SLCO1B3: variants seen among roughly 807,000 people sequenced by gnomAD.
The protein encoded by SLCO1B3 is solute carrier organic anion transporter family member 1B3.
Under a neutral mutation model 71.8 loss-of-function variants are expected in SLCO1B3, and 72 were observed. That is an observed-to-expected ratio of 1.00 (90% CI 0.83 to 1.22). SLCO1B3 has a LOEUF of 1.22. Among genes scored for constraint, SLCO1B3 ranks in the 50% most tolerant of loss-of-function variants. The pLI is 0.00. For missense variants in SLCO1B3, 911 were observed against 819.7 expected (o/e 1.11, Z -1.36); for synonymous variants, 298 against 278.4 (o/e 1.07, Z -0.70).
rs139890546 is a variant in SLCO1B3, at chr12:20,911,384, A to C, written c.1866-4620A>C. Among the ~76,000 whole-genome samples, 591 of 152,208 alleles carry C rather than the reference A, an allele frequency of 3.9e-3. 2 individuals are homozygous for C. The highest frequency in any genetic ancestry group is 6.2e-3 in the Non-Finnish European group (422 of 68,008). The stretch of plus-strand genomic sequence containing the variant: ...GAACTTCTGCACCTGTATTTGTGAG[A>C]TGTATCGCTCTGTAGTTTTCTTTTC... On this transcript the variant is annotated intron_variant, in intron 15 of 15. Coordinates refer to ENST00000381545, the MANE Select transcript of SLCO1B3 (RefSeq NM_019844.4).
intron 13 of SLCO1B3, among the ~76,000 whole-genome samples, chr12:20,888,398 C>T (rs528553181): frequency 8.6e-4 from 131 of 151,760 alleles, no homozygotes; most frequent in African/African-American, 3.0e-3. Flanking sequence ...TAGTTCTCCT[C>T]GTAGAGACTT....
At chr12:20,885,330 A>C (rs1164194908) in intron 13 of SLCO1B3, among the ~76,000 whole-genome samples, 1 of 152,156 alleles carries the variant, frequency 6.6e-6, no homozygotes, top group Non-Finnish European at 1.5e-5. Context: ...TTACTCATCC[A>C]GTACATATTC....
intron 3 of SLCO1B3, among the ~76,000 whole-genome samples, 198 bp downstream of exon 3, chr12:20,816,020 A>G (rs1445965625): frequency 6.6e-6 from 1 of 152,190 alleles, no homozygotes; most frequent in Non-Finnish European, 1.5e-5. Flanking sequence ...TTTCTTTGCT[A>G]GAATTTTTTG....
rs374608664 is a variant in SLCO1B3 at position 20,916,002 on chromosome 12, A to G, written c.1866-2A>G. 3 of 1,584,382 alleles carry G rather than the reference A, an allele frequency of 1.9e-6. No homozygotes were observed. Among genetic ancestry groups the G allele is most frequent in the African/African-American group, 1.4e-5 (1 of 73,376 alleles). ...TCGACTCTCTATTTTCTCTTTTCAC[A>G]GAAGGGTCTACTTGGGCTTATCTAT... On this transcript the variant is annotated splice_acceptor_variant, in intron 15 of 15. Coordinates refer to ENST00000381545, the MANE Select transcript of SLCO1B3 (RefSeq NM_019844.4). LOFTEE classifies it high-confidence loss of function.
chr12:20,902,549 C>T (rs1378558597), intron 15 of SLCO1B3, among the ~76,000 whole-genome samples: 1 of 152,130 alleles, frequency 6.6e-6, no homozygotes, highest in Non-Finnish European at 1.5e-5. Context: ...CTGGAGCCTA[C>T]TTGTGGGTGC....
intron 1 of SLCO1B3, among the ~76,000 whole-genome samples, chr12:20,811,905 ATTT>A (rs11292391): frequency 9.6e-5 from 11 of 114,816 alleles, no homozygotes; most frequent in East Asian, 2.7e-4. Context: ...TACTTGATAC[ATTT>A]TTTTTTTTTT....
At chr12:20,836,529 C>T (rs1457020242) in intron 3 of SLCO1B3, among the ~76,000 whole-genome samples, 1 of 152,026 alleles carries the variant, frequency 6.6e-6, no homozygotes, top group African/African-American at 2.4e-5. Context: ...AGAAAGTATT[C>T]CTGATGCTTT....
intron 15 of SLCO1B3, among the ~76,000 whole-genome samples, chr12:20,905,120 C>T (rs923409052): frequency 6.6e-6 from 1 of 152,146 alleles, no homozygotes; most frequent in African/African-American, 2.4e-5. Flanking sequence ...AGTCATGGCC[C>T]AAGCTGTACC....
chr12:20,885,561 G>T (rs1331194483), intron 13 of SLCO1B3, among the ~76,000 whole-genome samples: 1 of 152,026 alleles, frequency 6.6e-6, no homozygotes, highest in Admixed American at 6.6e-5. Context: ...GGATAGGTAA[G>T]AGATGCTAGT....
intron 3 of SLCO1B3, among the ~76,000 whole-genome samples, chr12:20,849,769 G>A (rs4762797): frequency 0.88 from 132,584 of 151,196 alleles, 58,213 homozygotes; most frequent in East Asian, 0.99. Flanking sequence ...TCTGTACACC[G>A]GGAATAAGCA....
chr12:20,813,136 A>G (rs983896254), intron 1 of SLCO1B3, among the ~76,000 whole-genome samples: 7 of 152,172 alleles, frequency 4.6e-5, no homozygotes, highest in Non-Finnish European at 8.8e-5. Flanking sequence ...TCGCATATAC[A>G]TAAGTGATAA....
chr12:20,833,634 C>G (rs1864595025), intron 3 of SLCO1B3, among the ~76,000 whole-genome samples: 1 of 143,178 alleles, frequency 7.0e-6, no homozygotes, highest in Non-Finnish European at 1.5e-5. Flanking sequence ...AGTATGTAAA[C>G]TATTATATAC....
At chr12:20,812,411 T>C (rs1158920602) in intron 1 of SLCO1B3, among the ~76,000 whole-genome samples, 1 of 152,120 alleles carries the variant, frequency 6.6e-6, no homozygotes, top group Non-Finnish European at 1.5e-5. Flanking sequence ...AGAGAGTTTA[T>C]TTCAACTAGA....
At chr12:20,909,771 C>T (rs1004343360) in intron 15 of SLCO1B3, among the ~76,000 whole-genome samples, 7 of 152,052 alleles carry the variant, frequency 4.6e-5, no homozygotes, top group African/African-American at 1.7e-4. Context: ...AGTGCAGTGG[C>T]ACCTTCTTAG....
intron 3 of SLCO1B3, among the ~76,000 whole-genome samples, chr12:20,832,142 C>G (rs946173099): frequency 6.6e-6 from 1 of 152,120 alleles, no homozygotes; most frequent in Non-Finnish European, 1.5e-5. Flanking sequence ...GCGGTGTGGC[C>G]TATTTAATGA....
chr12:20,844,152 T>A (rs1267040285), intron 3 of SLCO1B3, among the ~76,000 whole-genome samples: 1 of 152,104 alleles, frequency 6.6e-6, no homozygotes, highest in African/African-American at 2.4e-5. Context: ...TATATGTGTG[T>A]GTGTGTATAT....
chr12:20,847,219 T>TA (rs11410978), intron 3 of SLCO1B3, among the ~76,000 whole-genome samples: 9,305 of 150,620 alleles, frequency 0.062, 342 homozygotes, highest in East Asian at 0.14. Flanking sequence ...GTGGAAGAAT[T>TA]AAAAAAAAAA....
chr12:20,829,211 C>T (rs138820870), intron 3 of SLCO1B3, among the ~76,000 whole-genome samples: 102 of 152,232 alleles, frequency 6.7e-4, no homozygotes, highest in South Asian at 4.8e-3. Context: ...TCTAATCGTA[C>T]GGAGAAATTA....
chr12:20,814,807 G>A (rs1467167274), intron 2 of SLCO1B3, among the ~76,000 whole-genome samples: 1 of 151,784 alleles, frequency 6.6e-6, no homozygotes. Context: ...TGAGGCAGGA[G>A]AATGGCGTGA....
Sources: gnomAD v4.1 joint callset for allele counts (sites outside exome capture counted in the v4.1 genomes callset) on GRCh38, gnomAD v4.1.1 for gene constraint, MANE v1.5 for transcripts, NCBI Gene and HGNC (gene_info 2026-07-23, HGNC 2026-07-21) for gene names.